FOXP1: variants seen among roughly 807,000 people sequenced by gnomAD.
FOXP1 encodes forkhead box protein P1.
In FOXP1, 15 loss-of-function variants were observed where a neutral mutation model predicts 98.2. That is an observed-to-expected ratio of 0.15 (90% CI 0.10 to 0.24). The LOEUF is 0.24. FOXP1 is among the 10% of genes least tolerant of loss of function. The pLI is 1.00. For synonymous variants in FOXP1, 371 were observed against 314.5 expected (o/e 1.18, Z -1.90); for missense variants, 633 against 848.5 (o/e 0.75, Z 3.15).
At chr3:71,085,046 TC>T (rs1478765768) in intron 7 of FOXP1, among the ~76,000 whole-genome samples, 3 of 152,242 alleles carry the variant, frequency 2.0e-5, no homozygotes, top group African/African-American at 7.2e-5. Flanking sequence ...GCTGTTCATT[TC>T]TTTCACTCAA....
chr3:71,526,115 T>C (rs1249282380), intron 2 of FOXP1, among the ~76,000 whole-genome samples: 1 of 143,934 alleles, frequency 6.9e-6, no homozygotes, highest in East Asian at 1.9e-4. Context: ...AGGGAGACTC[T>C]GTCTCTAAAT....
intron 5 of FOXP1, among the ~76,000 whole-genome samples, chr3:71,226,446 ACCCGGCAGCCATCCTGAAAATG>A (rs139273668): frequency 0.17 from 25,090 of 151,174 alleles, 2,619 homozygotes; most frequent in Non-Finnish European, 0.23. Context: ...GCTCAACTCC[ACCCGGCAGCCATCCTGAAAATG>A]CCCGTCACCT....
Position 71,033,923 on chromosome 3 carries a change from T to C in FOXP1, c.869+7405A>G, listed in dbSNP as rs1410470198. Among the ~76,000 whole-genome samples the C allele has an allele frequency of 2.0e-5, 3 of 152,158 alleles. No individual in the cohort carries two copies. In the East Asian group the frequency reaches 5.8e-4, roughly 29 times the overall value. ...CAGCAGGAACAGCTTTTGCCCTAAG[T>C]AGGTTACCTCCCCGACAGATAGACA... On this transcript the variant is annotated intron_variant, in intron 11 of 20. Transcript: ENST00000649528.
chr3:71,511,899 T>C (rs575814602), intron 2 of FOXP1, among the ~76,000 whole-genome samples: 28 of 152,356 alleles, frequency 1.8e-4, no homozygotes, highest in Admixed American at 5.2e-4. Flanking sequence ...CACATCTTTT[T>C]TGGAAACTAA....
Position 71,041,669 on chromosome 3 carries a change from C to T in FOXP1, c.665-137G>A. 1.0e-5 allele frequency: 8 copies of T among 790,438 alleles called. No homozygotes were observed. In the South Asian group the frequency reaches 1.0e-4, roughly 10 times the overall value. 49.0% of individuals were successfully genotyped at this position (790,438 alleles called of 1,614,324 possible). A position where few individuals can be genotyped will look rare whatever the true frequency, so the allele number is the denominator to read the frequency against. ...CGGTGTGTGCAGTTTTTTTTCCCCT[C>T]CCAACTACGGCAGATGCGGTAGTAA... On this transcript the variant is annotated intron_variant, in intron 10 of 20. Coordinates refer to ENST00000649528, the MANE Select transcript of FOXP1 (RefSeq NM_001349338.3).
chr3:71,506,522 T>G (rs13067120), intron 2 of FOXP1, among the ~76,000 whole-genome samples: 14,513 of 152,234 alleles, frequency 0.095, 946 homozygotes, highest in Middle Eastern at 0.22. Flanking sequence ...CTTTTCCAAC[T>G]AAGGGGTTCC....
chr3:71,222,832 C>A (rs1319125754), intron 5 of FOXP1, among the ~76,000 whole-genome samples: 1 of 152,162 alleles, frequency 6.6e-6, no homozygotes, highest in Non-Finnish European at 1.5e-5. Flanking sequence ...CTCTCCTTTA[C>A]CGATTATTTC....
chr3:71,351,405 C>T (rs2077771707), intron 4 of FOXP1, among the ~76,000 whole-genome samples: 1 of 152,210 alleles, frequency 6.6e-6, no homozygotes. Flanking sequence ...TTTGTGTTAA[C>T]AAGGCAATAT....
intron 6 of FOXP1, among the ~76,000 whole-genome samples, chr3:71,115,184 G>A (rs1284835834): frequency 6.6e-6 from 1 of 151,828 alleles, no homozygotes; most frequent in Non-Finnish European, 1.5e-5. Flanking sequence ...GTGGGGAAGA[G>A]GAGAAAGGTT....
chr3:71,391,410 A>T (rs932156003), intron 3 of FOXP1, among the ~76,000 whole-genome samples: 1 of 152,202 alleles, frequency 6.6e-6, no homozygotes, highest in African/African-American at 2.4e-5. Context: ...TTCCCCCAAG[A>T]CACAATCATA....
At chr3:71,561,376 T>C (rs1300972260) in intron 2 of FOXP1, among the ~76,000 whole-genome samples, 1 of 143,552 alleles carries the variant, frequency 7.0e-6, no homozygotes, top group Non-Finnish European at 1.5e-5. Flanking sequence ...GGTGAGTTTA[T>C]GTATATGAAT....
At chr3:71,459,159 G>A (rs1157788554) in intron 3 of FOXP1, among the ~76,000 whole-genome samples, 1 of 152,150 alleles carries the variant, frequency 6.6e-6, no homozygotes, top group Non-Finnish European at 1.5e-5. Context: ...ACAAATCAAG[G>A]TGCTAGTAGG....
At chr3:71,069,823 A>G (rs2053000049) in intron 7 of FOXP1, among the ~76,000 whole-genome samples, 1 of 152,250 alleles carries the variant, frequency 6.6e-6, no homozygotes, top group African/African-American at 2.4e-5. Flanking sequence ...TTACTTATGT[A>G]GAAATCGCTG....
intron 4 of FOXP1, among the ~76,000 whole-genome samples, chr3:71,346,903 C>T (rs915700628): frequency 3.9e-5 from 6 of 151,982 alleles, no homozygotes; most frequent in Admixed American, 2.6e-4. Context: ...ATTAGCTGGG[C>T]GTGGTGGCAC....
chr3:70,962,394 T>A (rs2033760131), intron 20 of FOXP1, among the ~76,000 whole-genome samples: 1 of 152,218 alleles, frequency 6.6e-6, no homozygotes, highest in Non-Finnish European at 1.5e-5. Flanking sequence ...GGCCAAAACA[T>A]CTTTATGGTT....
chr3:70,991,472 T>C (rs1028908206), intron 13 of FOXP1, among the ~76,000 whole-genome samples: 1 of 152,176 alleles, frequency 6.6e-6, no homozygotes. Flanking sequence ...CAAACTAAGA[T>C]TAATCTTAAA....
intron 4 of FOXP1, among the ~76,000 whole-genome samples, chr3:71,307,226 C>T (rs1382918265): frequency 2.6e-5 from 4 of 152,298 alleles, no homozygotes; most frequent in African/African-American, 9.6e-5. Context: ...GGATAGGTCA[C>T]AGATCCTTCA....
chr3:71,514,453 T>A (rs567781557), intron 2 of FOXP1, among the ~76,000 whole-genome samples: 1 of 152,352 alleles, frequency 6.6e-6, no homozygotes, highest in South Asian at 2.1e-4. Flanking sequence ...TCTGTCTGCA[T>A]CCTTTCTCTC....
chr3:71,295,563 T>G, intron 5 of FOXP1, among the ~76,000 whole-genome samples: 1 of 141,324 alleles, frequency 7.1e-6, no homozygotes, highest in East Asian at 2.0e-4. Context: ...TAACCTGACT[T>G]TAAAAAAAAA....
Sources: gnomAD v4.1 joint callset for allele counts (sites outside exome capture counted in the v4.1 genomes callset) on GRCh38, gnomAD v4.1.1 for gene constraint, MANE v1.5 for transcripts, NCBI Gene and HGNC (gene_info 2026-07-23, HGNC 2026-07-21) for gene names.